SMARCAD1: variants seen among roughly 807,000 people sequenced by gnomAD.
The protein encoded by SMARCAD1 is SWI/SNF-related matrix-associated actin-dependent regulator of chromatin subfamily A containing DEAD/H box 1.
Under a neutral mutation model 127.1 loss-of-function variants are expected in SMARCAD1, and 25 were observed. The ratio of observed to expected loss-of-function variants is 0.20; its 90% CI spans 0.14 to 0.27. The LOEUF is 0.27. Among genes scored for constraint, SMARCAD1 ranks in the 10% least tolerant of loss-of-function variants. SMARCAD1 has a pLI of 1.00. For synonymous variants in SMARCAD1, 400 were observed against 396.9 expected (o/e 1.01, Z -0.09); for missense variants, 807 against 1,206.0 (o/e 0.67, Z 4.90).
At chr4:94,255,738 A>ATTTGATT (rs57257091) in intron 9 of SMARCAD1, among the ~76,000 whole-genome samples, 56,819 of 151,060 alleles carry the variant, frequency 0.38, 11,602 homozygotes, top group East Asian at 0.71. Context: ...CATGAGGAAA[A>ATTTGATT]TTTGATTTTT....
At chr4:94,221,121 A>G (rs1431473529) in intron 2 of SMARCAD1, among the ~76,000 whole-genome samples, 1 of 152,254 alleles carries the variant, frequency 6.6e-6, no homozygotes, top group African/African-American at 2.4e-5. Flanking sequence ...TTTTCAAAGG[A>G]AAGTTTGAAT....
chr4:94,216,456 TATG>T (rs764504577), intron 2 of SMARCAD1, among the ~76,000 whole-genome samples: 8 of 152,314 alleles, frequency 5.3e-5, no homozygotes, highest in African/African-American at 1.7e-4. Context: ...TTTTAAAAAT[TATG>T]ATAAAATACA....
chr4:94,254,270 GC>G (rs1315447022), intron 9 of SMARCAD1, among the ~76,000 whole-genome samples: 1 of 152,048 alleles, frequency 6.6e-6, no homozygotes, highest in East Asian at 1.9e-4. Context: ...TAAAGTATTT[GC>G]TGAAGGGCTT....
At chr4:94,273,768 T>C in intron 12 of SMARCAD1, 52 bp downstream of exon 12, 1 of 1,398,394 alleles carries the variant, frequency 7.2e-7, no homozygotes, top group East Asian at 2.3e-5. Context: ...TTTATATAGG[T>C]AGAAGAGAGT....
intron 7 of SMARCAD1, among the ~76,000 whole-genome samples, chr4:94,250,306 C>A (rs567920034): frequency 2.6e-5 from 4 of 152,072 alleles, no homozygotes; most frequent in African/African-American, 9.6e-5. Flanking sequence ...TTTACACTTG[C>A]ACTGATTTAT....
At chr4:94,236,895 A>G in intron 4 of SMARCAD1, 57 bp from the exon 5 acceptor site, 1 of 1,325,336 alleles carries the variant, frequency 7.5e-7, no homozygotes, top group South Asian at 1.2e-5. Context: ...TATTTCAGTA[A>G]CTGAAATAAT....
intron 6 of SMARCAD1, chr4:94,248,592 T>C (rs960343525): frequency 2.2e-6 from 1 of 454,286 alleles, no homozygotes; most frequent in Non-Finnish European, 4.4e-6. Flanking sequence ...TCCTGTTGCT[T>C]CTTAAAAAAG....
chr4:94,262,779 T>C (rs1172651398), intron 9 of SMARCAD1, among the ~76,000 whole-genome samples: 1 of 152,046 alleles, frequency 6.6e-6, no homozygotes. Flanking sequence ...CCCTTGTTTA[T>C]ACCAGAGGTT....
At chr4:94,284,103 CGAA>C (rs1463471843) in intron 22 of SMARCAD1, among the ~76,000 whole-genome samples, 2 of 151,002 alleles carry the variant, frequency 1.3e-5, no homozygotes, top group Non-Finnish European at 2.9e-5. Context: ...GGGTGGATCA[CGAA>C]GTCAGGAGAT....
At chr4:94,208,223 A>G (rs181585117) in intron 1 of SMARCAD1, 123 bp from the exon 2 acceptor site, 77 of 753,098 alleles carry the variant, frequency 1.0e-4, no homozygotes, top group Non-Finnish European at 1.6e-4. Context: ...AAGCGCAGCC[A>G]TAACAGTCCT....
chr4:94,228,827 C>T (rs1745403775), intron 3 of SMARCAD1, among the ~76,000 whole-genome samples: 1 of 152,132 alleles, frequency 6.6e-6, no homozygotes, highest in East Asian at 1.9e-4. Flanking sequence ...TCTCTTTAAA[C>T]TCATTTAATC....
intron 2 of SMARCAD1, among the ~76,000 whole-genome samples, chr4:94,225,364 C>T (rs1399591526): frequency 6.6e-6 from 1 of 152,084 alleles, no homozygotes; most frequent in Non-Finnish European, 1.5e-5. Context: ...CGGTGTGTCT[C>T]CCTTTTCTTA....
intron 4 of SMARCAD1, among the ~76,000 whole-genome samples, chr4:94,235,791 C>A (rs1044991672): frequency 2.6e-5 from 4 of 151,992 alleles, no homozygotes; most frequent in Non-Finnish European, 5.9e-5. Context: ...AAAATACTTT[C>A]ACTTGATTGC....
intron 9 of SMARCAD1, among the ~76,000 whole-genome samples, chr4:94,262,905 AAAG>A (rs1474050345): frequency 1.2e-4 from 8 of 68,794 alleles, no homozygotes; most frequent in African/African-American, 5.2e-4. Flanking sequence ...AAAAAAAAAA[AAAG>A]AAAGAAAAGA....
intron 9 of SMARCAD1, among the ~76,000 whole-genome samples, chr4:94,260,621 C>T (rs1750823730): frequency 1.3e-5 from 2 of 152,190 alleles, no homozygotes; most frequent in Non-Finnish European, 2.9e-5. Flanking sequence ...CAGGCGTGAG[C>T]CACCATGCTG....
chr4:94,288,274 T>C (rs1560574595), intron 23 of SMARCAD1, among the ~76,000 whole-genome samples: 1 of 152,218 alleles, frequency 6.6e-6, no homozygotes, highest in Non-Finnish European at 1.5e-5. Context: ...TAATGTCTTT[T>C]ATAGCTTTCC....
intron 3 of SMARCAD1, among the ~76,000 whole-genome samples, chr4:94,230,312 T>C (rs1175358931): frequency 2.0e-5 from 3 of 152,030 alleles, no homozygotes; most frequent in Admixed American, 6.6e-5. Context: ...ACACAAAAGA[T>C]AGCATACTAC....
chr4:94,290,858 A>C lies in SMARCAD1; in HGVS notation c.*1324A>C, dbSNP rs1385780415. ...TTTTGGAAATCATGCTTTTCAAAGC[A>C]TCCTAACTTGCTAAGATGCTAGGTA... On this transcript the variant is annotated 3_prime_UTR_variant, in exon 24 of 24. Coordinates refer to ENST00000354268, the MANE Select transcript of SMARCAD1 (RefSeq NM_020159.5). 1 of 449,056 alleles carries C rather than the reference A, an allele frequency of 2.2e-6. No homozygotes were observed. Among genetic ancestry groups the C allele is most frequent in the Non-Finnish European group, 4.5e-6 (1 of 224,712 alleles). The allele number at this position is 449,056 out of a possible 1,614,324, so 27.8% of individuals were successfully genotyped here.
At chr4:94,214,117 G>C (rs1182953037) in intron 2 of SMARCAD1, among the ~76,000 whole-genome samples, 1 of 152,100 alleles carries the variant, frequency 6.6e-6, no homozygotes, top group Admixed American at 6.6e-5. Flanking sequence ...GGAATTAAAA[G>C]TAACTACTAA....
Sources: gnomAD v4.1 joint callset for allele counts (sites outside exome capture counted in the v4.1 genomes callset) on GRCh38, gnomAD v4.1.1 for gene constraint, MANE v1.5 for transcripts, NCBI Gene and HGNC (gene_info 2026-07-23, HGNC 2026-07-21) for gene names.